CTDSPL2: variants seen among roughly 807,000 people sequenced by gnomAD.
The protein encoded by CTDSPL2 is CTD small phosphatase-like protein 2.
A neutral mutation model predicts 60.0 loss-of-function variants in CTDSPL2; 5 were observed. The ratio of observed to expected loss-of-function variants is 0.08; its 90% CI spans 0.04 to 0.18. The LOEUF is 0.18. Ranked by LOEUF, CTDSPL2 falls within the 10% of genes least tolerant of loss-of-function variation. CTDSPL2 has a pLI of 1.00. For synonymous variants in CTDSPL2, 186 were observed against 189.3 expected, an observed-to-expected ratio of 0.98 and a Z score of 0.14; for missense variants, 370 against 548.8, an observed-to-expected ratio of 0.67 and a Z score of 3.26.
intron 3 of CTDSPL2, 21 bp downstream of exon 3, chr15:44,484,383 T>G: frequency 6.2e-7 from 1 of 1,603,950 alleles, no homozygotes; most frequent in Non-Finnish European, 8.5e-7. Context: ...ATTTAGATAC[T>G]GTTTTATTTA....
intron 1 of CTDSPL2, chr15:44,448,594 A>T (rs1178647858): frequency 3.4e-6 from 1 of 298,172 alleles, no homozygotes; most frequent in Non-Finnish European, 6.5e-6. Flanking sequence ...CCCAGAGCCA[A>T]ATTGACCCAC....
At chr15:44,463,967 C>T (rs905431986) in intron 2 of CTDSPL2, among the ~76,000 whole-genome samples, 2 of 152,112 alleles carry the variant, frequency 1.3e-5, no homozygotes, top group African/African-American at 2.4e-5. Flanking sequence ...TAATAATAAC[C>T]TACCCAGGTT....
chr15:44,508,239 C>A (rs528089276), intron 8 of CTDSPL2, among the ~76,000 whole-genome samples: 1 of 151,954 alleles, frequency 6.6e-6, no homozygotes, highest in African/African-American at 2.4e-5. Context: ...AGTGCCACCA[C>A]GCCTGGCTAA....
At chr15:44,445,723 C>T (rs1185593722) in intron 1 of CTDSPL2, among the ~76,000 whole-genome samples, 1 of 151,736 alleles carries the variant, frequency 6.6e-6, no homozygotes, top group Non-Finnish European at 1.5e-5. Flanking sequence ...CTGCAGCTTC[C>T]GTCTTCCAGG....
intron 5 of CTDSPL2, among the ~76,000 whole-genome samples, chr15:44,495,290 A>T (rs549667334): frequency 6.7e-5 from 10 of 149,464 alleles, no homozygotes; most frequent in Admixed American, 6.0e-4. Flanking sequence ...ATTTTTTAAG[A>T]TTATAGTCGT....
At chr15:44,499,588 C>T (rs1254082235) in intron 7 of CTDSPL2, 139 bp from the exon 8 acceptor site, 15 of 457,696 alleles carry the variant, frequency 3.3e-5, no homozygotes, top group Non-Finnish European at 7.7e-6. Context: ...AATTGCTGTG[C>T]CACATATAGT....
intron 2 of CTDSPL2, among the ~76,000 whole-genome samples, chr15:44,474,811 A>C (rs895242686): frequency 3.3e-5 from 5 of 151,984 alleles, no homozygotes; most frequent in African/African-American, 1.2e-4. Context: ...AGCCAAAATC[A>C]CTCCATTGCA....
At chr15:44,497,799 C>G (rs1366045383) in intron 7 of CTDSPL2, among the ~76,000 whole-genome samples, 1 of 152,052 alleles carries the variant, frequency 6.6e-6, no homozygotes, top group Admixed American at 6.6e-5. Flanking sequence ...GAGTTTGAGA[C>G]CAGCCTGACC....
At chr15:44,521,130 T>C in intron 11 of CTDSPL2, 181 bp from the exon 12 acceptor site, 1 of 349,720 alleles carries the variant, frequency 2.9e-6, no homozygotes, top group East Asian at 4.7e-5. Context: ...GGCTTCAATT[T>C]ATTTCCTTAT....
rs1225930573 is a variant in CTDSPL2 at position 44,459,101 on chromosome 15, G to A, written c.87G>A (p.Glu29=). 6.2e-7 allele frequency: 1 copy of A among 1,613,176 alleles called. No individual in the cohort carries two copies. The change falls in exon 2 of 13, where the codon GAG becomes GAA. Residue 29 remains glutamate, a synonymous_variant. Transcript: ENST00000260327. The part of the protein sequence containing the change: ...RTARAKRKYS[E]VDDSLPSGGE... ...CCAGAGCAAAGAGGAAATATTCAGAGGTTGATGATAGCCTGCCTTCAGGAG... is the reference window on the plus strand; with the variant it reads ...CCAGAGCAAAGAGGAAATATTCAGAAGTTGATGATAGCCTGCCTTCAGGAG...
intron 2 of CTDSPL2, among the ~76,000 whole-genome samples, chr15:44,467,954 A>AT (rs563501667): frequency 3.0e-4 from 46 of 151,074 alleles, no homozygotes; most frequent in South Asian, 1.3e-3. Flanking sequence ...TTTGCTGGGG[A>AT]TTTTTTTTTA....
chr15:44,513,104 A>T (rs2081593082), intron 8 of CTDSPL2, among the ~76,000 whole-genome samples: 1 of 151,840 alleles, frequency 6.6e-6, no homozygotes, highest in Non-Finnish European at 1.5e-5. Flanking sequence ...GATTAAAAAC[A>T]AGTAAACCTT....
intron 8 of CTDSPL2, among the ~76,000 whole-genome samples, chr15:44,511,740 C>T (rs777215983): frequency 2.0e-5 from 3 of 151,834 alleles, no homozygotes; most frequent in African/African-American, 4.8e-5. Flanking sequence ...TGGTGGCACA[C>T]GCCTATAACC....
chr15:44,472,852 A>G (rs1030020500), intron 2 of CTDSPL2, among the ~76,000 whole-genome samples: 4 of 152,196 alleles, frequency 2.6e-5, no homozygotes, highest in Non-Finnish European at 5.9e-5. Flanking sequence ...TTTAATGGAG[A>G]CAGGGTTTCA....
intron 8 of CTDSPL2, chr15:44,502,061 T>A (rs1350822388): frequency 4.5e-6 from 2 of 446,288 alleles, no homozygotes; most frequent in Admixed American, 2.4e-5. Flanking sequence ...AAGATGTAAC[T>A]TAAATCTTTA....
At chr15:44,495,125 C>T (rs1240233739) in intron 5 of CTDSPL2, among the ~76,000 whole-genome samples, 2 of 152,104 alleles carry the variant, frequency 1.3e-5, no homozygotes, top group African/African-American at 4.8e-5. Context: ...GCATGTGCCA[C>T]CATGCCCAGC....
intron 8 of CTDSPL2, among the ~76,000 whole-genome samples, chr15:44,512,103 A>G (rs1382263590): frequency 6.6e-6 from 1 of 151,936 alleles, no homozygotes; most frequent in Non-Finnish European, 1.5e-5. Context: ...AGGCTAAGAC[A>G]GGAGGATCAC....
chr15:44,524,248 A>G lies in CTDSPL2; in HGVS notation c.*74A>G. ...TTTGGACTAAGACAAAAACATTGCC[A>G]TTACTGTTGAAATTTTGCATTTTTG... On this transcript the variant is annotated 3_prime_UTR_variant, in exon 13 of 13. Transcript: ENST00000260327. The G allele has an allele frequency of 1.6e-6, 2 of 1,283,396 alleles. No homozygotes were observed. The highest frequency in any genetic ancestry group is 1.1e-6 in the Non-Finnish European group (1 of 889,400). The allele number at this position is 1,283,396 out of a possible 1,614,324, so 79.5% of individuals were successfully genotyped here. A position where few individuals can be genotyped will look rare whatever the true frequency, so the allele number is the denominator to read the frequency against.
At chr15:44,431,725 T>G (rs996708905) in intron 1 of CTDSPL2, among the ~76,000 whole-genome samples, 31 of 148,184 alleles carry the variant, frequency 2.1e-4, no homozygotes, top group African/African-American at 7.2e-4. Context: ...TGTTTTTTTT[T>G]TTTTTTTTTT....
Sources: gnomAD v4.1 joint callset for allele counts (sites outside exome capture counted in the v4.1 genomes callset) on GRCh38, gnomAD v4.1.1 for gene constraint, MANE v1.5 for transcripts, NCBI Gene and HGNC (gene_info 2026-07-23, HGNC 2026-07-21) for gene names.